CACNA2D4: variants seen among roughly 807,000 people sequenced by gnomAD.
CACNA2D4 encodes voltage-dependent calcium channel subunit alpha-2/delta-4.
In CACNA2D4, 157 loss-of-function variants were observed where a neutral mutation model predicts 163.8. That is an observed-to-expected ratio of 0.96 (90% CI 0.84 to 1.09). The LOEUF (loss-of-function observed/expected upper bound fraction) is 1.09. Among genes scored for constraint, CACNA2D4 ranks in the 50% least tolerant of loss-of-function variants. The probability of loss-of-function intolerance (pLI) is 0.00; values close to 1 mark genes in which losing one functional copy is unlikely to be tolerated. For synonymous variants in CACNA2D4, 598 were observed against 586.9 expected, an observed-to-expected ratio of 1.02 and a Z score of -0.27; for missense variants, 1,410 against 1,479.9, an observed-to-expected ratio of 0.95 and a Z score of 0.78.
At chr12:1,865,382 T>C (rs749374867) in intron 18 of CACNA2D4, among the ~76,000 whole-genome samples, 1 of 152,208 alleles carries the variant, frequency 6.6e-6, no homozygotes, top group African/African-American at 2.4e-5. Flanking sequence ...ACTCATGAGC[T>C]GGACGCTGTC....
At position 1,907,918 on chromosome 12, in the gene CACNA2D4, G is replaced by A. The variant is rs765153512; in HGVS notation, c.606C>T (p.Thr202=). The A allele has an allele frequency of 6.2e-7, 1 of 1,614,072 alleles. No homozygotes were observed. The highest frequency in any genetic ancestry group is 1.1e-5 in the South Asian group (1 of 91,088). ...NAHFSNLPVN[T]SISSVQLPTN... Reference sequence around the variant, plus strand: ...TGGGCAGCTGCACGCTGCTGATGGAGGTGTTCACCGGCAGGTTGCTGAAGT... The same window carrying A: ...TGGGCAGCTGCACGCTGCTGATGGAAGTGTTCACCGGCAGGTTGCTGAAGT... The change falls in exon 5 of 38, where the codon ACC becomes ACT. Residue 202 remains threonine, a synonymous_variant. Coordinates refer to ENST00000382722, the MANE Select transcript of CACNA2D4 (RefSeq NM_172364.5).
intron 4 of CACNA2D4, 114 bp from the exon 5 acceptor site, chr12:1,908,151 CAG>C (rs1866713783): frequency 1.1e-5 from 12 of 1,142,556 alleles, no homozygotes; most frequent in African/African-American, 1.5e-5. Context: ...GGGCGGCCAT[CAG>C]AGTCTACACA....
At position 1,865,440 on chromosome 12, in the gene CACNA2D4, C is replaced by T. The variant is rs747940862; in HGVS notation, c.1879-5234G>A. 1.4e-4 allele frequency among the ~76,000 whole-genome samples: 21 copies of T among 152,244 alleles called. 1 individual carries two copies. The highest frequency in any genetic ancestry group is 2.2e-4 in the Non-Finnish European group (15 of 68,044). On this transcript the variant is annotated intron_variant, in intron 18 of 37. Transcript: ENST00000382722. The stretch of plus-strand genomic sequence containing the variant: ...TGGAAGGTCAGTGTCTGTCTTCCTC[C>T]AAAGCACAATCGCGTGCCTGGGGTC...
In CACNA2D4 at chr12:1,811,741, A is replaced by T; in HGVS notation, c.2552-18T>A. On this transcript the variant is annotated intron_variant, in intron 26 of 37. Coordinates refer to ENST00000382722, the MANE Select transcript of CACNA2D4 (RefSeq NM_172364.5). ...GCCCGCGGCTACAGGGCAGAAAGAG[A>T]GAGGGCAAGGCCAGGGAAGAGACGG... The T allele has an allele frequency of 6.4e-7, 1 of 1,557,866 alleles. No individual in the cohort carries two copies. The highest frequency in any genetic ancestry group is 2.4e-5 in the East Asian group (1 of 41,340).
intron 35 of CACNA2D4, among the ~76,000 whole-genome samples, chr12:1,797,062 G>A (rs1454187860): frequency 1.3e-5 from 2 of 152,236 alleles, no homozygotes; most frequent in Non-Finnish European, 2.9e-5. Context: ...CGCCTGAGCA[G>A]GGCTGGGGGA....
In CACNA2D4 at chr12:1,879,850, A is replaced by T; in HGVS notation, c.1517T>A (p.Leu506Gln). ...LLSSQAQSLTLLTTVAMPVFS... is the reference protein window; with the variant it reads ...LLSSQAQSLTQLTTVAMPVFS... ...GACTGGCATGGCCACAGTGGTGAGC[A>T]GTGTCAGGCTCTGAGCCTGCGAGCT... Residue 506 changes from leucine (L) to glutamine (Q), a missense_variant, in exon 14 of 38, where the codon CTG becomes CAG. Transcript: ENST00000382722. The T allele has an allele frequency of 1.2e-6, 2 of 1,603,406 alleles. No individual in the cohort carries two copies. Among genetic ancestry groups the T allele is most frequent in the South Asian group, 2.3e-5 (2 of 88,560 alleles).
intron 29 of CACNA2D4, among the ~76,000 whole-genome samples, chr12:1,804,569 A>T (rs190132016): frequency 1.3e-5 from 2 of 152,310 alleles, no homozygotes; most frequent in African/African-American, 4.8e-5. Flanking sequence ...GAAAATATCC[A>T]TTCTCCCCGT....
In CACNA2D4 at chr12:1,915,146, A is replaced by G. The variant is rs779794775; in HGVS notation, c.228-211T>C. The G allele has an allele frequency of 1.7e-5, 12 of 703,376 alleles. No individual in the cohort carries two copies. In the South Asian group the frequency reaches 1.8e-4, roughly 10 times the overall value. The allele number at this position is 703,376 out of a possible 1,614,324, so 43.6% of individuals were successfully genotyped here. On this transcript the variant is annotated intron_variant, in intron 1 of 37. Coordinates refer to ENST00000382722, the MANE Select transcript of CACNA2D4 (RefSeq NM_172364.5). ...ATACATACCCCCCACACACATGCAT[A>G]TGCATACACACACGTGACATATGCC...
intron 23 of CACNA2D4, among the ~76,000 whole-genome samples, chr12:1,849,355 T>G (rs1054200260): frequency 2.6e-5 from 4 of 152,260 alleles, no homozygotes; most frequent in Admixed American, 2.6e-4. Context: ...TTAATGACAT[T>G]AATATAATAC....
chr12:1,871,849 C>T (rs574419658), intron 18 of CACNA2D4, among the ~76,000 whole-genome samples: 4 of 152,126 alleles, frequency 2.6e-5, no homozygotes, highest in Non-Finnish European at 5.9e-5. Flanking sequence ...GGAAGGAACA[C>T]TCTGTCTGCC....
rs746014771 is a variant in CACNA2D4, at chr12:1,886,342, T to A, written c.874A>T (p.Ile292Leu). 6.2e-7 allele frequency: 1 copy of A among 1,613,946 alleles called. No individual in the cohort carries two copies. The highest frequency in any genetic ancestry group is 8.5e-7 in the Non-Finnish European group (1 of 1,179,864). ...YIQAATSPKD[I>L]VILVDVSGSM... is the part of the protein sequence containing the mutation. ...CCGCTCACGTCCACCAAAATCACTA[T>A]GTCCTTGGGAGAAGTAGCAGCTTGA... is the stretch of plus-strand genomic sequence containing the variant. Residue 292 changes from isoleucine to leucine, a missense_variant, in exon 8 of 38, where the codon ATA (isoleucine) becomes TTA (leucine). Coordinates refer to ENST00000382722, the MANE Select transcript of CACNA2D4 (RefSeq NM_172364.5).
chr12:1,878,987 C>T lies in CACNA2D4; in HGVS notation c.1613G>A (p.Arg538Lys). 1 of 1,613,910 alleles carries T rather than the reference C, an allele frequency of 6.2e-7. No homozygotes were observed. The highest frequency in any genetic ancestry group is 8.5e-7 in the Non-Finnish European group (1 of 1,179,860). Reference sequence around the variant, plus strand: ...CCGGGGCGCCAGCTTCATCAGCTCTCTCAGGGCCACATCTGAGCCCACCAC... The same window carrying T: ...CCGGGGCGCCAGCTTCATCAGCTCTTTCAGGGCCACATCTGAGCCCACCAC... Reference protein sequence around the residue: ...LGVVGSDVALRELMKLAPRYK... With the variant: ...LGVVGSDVALKELMKLAPRYK... Residue 538 changes from arginine to lysine, a missense_variant, in exon 15 of 38, where the codon AGA (arginine) becomes AAA (lysine). Coordinates refer to ENST00000382722, the MANE Select transcript of CACNA2D4 (RefSeq NM_172364.5). This position sits in a 1 kb window ranked among gnomAD's most constrained non-coding sequence, Gnocchi z 4.6.
chr12:1,913,481 T>C (rs749744514), intron 2 of CACNA2D4, among the ~76,000 whole-genome samples: 1 of 152,226 alleles, frequency 6.6e-6, no homozygotes, highest in Non-Finnish European at 1.5e-5. Flanking sequence ...CTCTCAGGCA[T>C]CCCCAGCCAT....
At chr12:1,889,586 C>CG (rs1555185908) in intron 6 of CACNA2D4, among the ~76,000 whole-genome samples, 2 of 152,068 alleles carry the variant, frequency 1.3e-5, no homozygotes, top group Non-Finnish European at 1.5e-5. Flanking sequence ...AGCCGCCCCC[C>CG]CCAGTAGCTG....
chr12:1,855,590 G>A (rs1592713514), intron 22 of CACNA2D4, among the ~76,000 whole-genome samples: 2 of 152,206 alleles, frequency 1.3e-5, no homozygotes, highest in South Asian at 2.1e-4. Flanking sequence ...CACAGGCTTC[G>A]AGTCATCTGG....
rs763273985 is a variant in CACNA2D4, at chr12:1,885,992, G to A, written c.1041C>T (p.Leu347=). Reference sequence around the variant, plus strand: ...CTCGATTGTCTCGGTCCGCCTGGACGAGGATCCCTTTAAAACAAGGCTCGA... The same window carrying A: ...CTCGATTGTCTCGGTCCGCCTGGACAAGGATCCCTTTAAAACAAGGCTCGA... The part of the protein sequence containing the change: ...HYIEPCFKGI[L]VQADRDNREH... Residue 347 remains leucine (L), a synonymous_variant, in exon 9 of 38, where the codon CTC becomes CTT. Coordinates refer to ENST00000382722, the MANE Select transcript of CACNA2D4 (RefSeq NM_172364.5). 7 of 1,613,570 alleles carry A rather than the reference G, an allele frequency of 4.3e-6. No individual in the cohort carries two copies. The South Asian group carries it at 5.5e-5, about 13-fold the overall frequency.
intron 16 of CACNA2D4, among the ~76,000 whole-genome samples, chr12:1,877,996 G>A (rs961275177): frequency 3.9e-5 from 6 of 152,238 alleles, no homozygotes; most frequent in Middle Eastern, 3.4e-3. Flanking sequence ...ACCCAACTTC[G>A]CAGGCCCCCA....
At position 1,880,670 on chromosome 12, in the gene CACNA2D4, G is replaced by A. The variant is rs574979027; in HGVS notation, c.1486-789C>T. Among the ~76,000 whole-genome samples, 6 of 152,398 alleles carry A rather than the reference G, an allele frequency of 3.9e-5. No homozygotes were observed. In the East Asian group the frequency reaches 7.7e-4, roughly 20 times the overall value. On this transcript the variant is annotated intron_variant, in intron 13 of 37. Transcript: ENST00000382722. ...GACTGCTGAGTCATGGAAGTCCACA[G>A]TTGACTTTCTTGGAGAAGGAAGCAC...
intron 26 of CACNA2D4, chr12:1,831,581 C>G: frequency 1.4e-6 from 2 of 1,418,790 alleles, no homozygotes; most frequent in Non-Finnish European, 1.9e-6. Context: ...ACCTCTGGCC[C>G]CACACTTTCC....
Sources: gnomAD v4.1 joint callset for allele counts (sites outside exome capture counted in the v4.1 genomes callset) on GRCh38, gnomAD v4.1.1 for gene constraint, Gnocchi (gnomAD v3.1) non-coding constraint, MANE v1.5 for transcripts, NCBI Gene and HGNC (gene_info 2026-07-23, HGNC 2026-07-21) for gene names.